SSU72: variants seen among roughly 807,000 people sequenced by gnomAD.
SSU72 encodes the protein SSU72 homolog, RNA polymerase II CTD phosphatase.
SSU72 carries 12 observed loss-of-function variants against 22.7 expected under a neutral mutation model. That is an observed-to-expected ratio of 0.53 (90% CI 0.34 to 0.86). The LOEUF (loss-of-function observed/expected upper bound fraction) is 0.86, where lower values mean the gene tolerates loss of function less well. Ranked by LOEUF, SSU72 falls within the 40% of genes least tolerant of loss-of-function variation. The probability of loss-of-function intolerance (pLI) is 0.02; values close to 1 mark genes in which losing one functional copy is unlikely to be tolerated. For missense variants in SSU72, 151 were observed against 249.8 expected (o/e 0.60, Z 2.67); for synonymous variants, 116 against 98.3 (o/e 1.18, Z -1.06).
chr1:1,542,379 A>G lies in SSU72; in HGVS notation c.484-212T>C, dbSNP rs1557493061. 6.6e-6 allele frequency among the ~76,000 whole-genome samples: 1 copy of G among 152,108 alleles called. No homozygotes were observed. Among genetic ancestry groups the G allele is most frequent in the Non-Finnish European group, 1.5e-5 (1 of 68,008 alleles). On this transcript the variant is annotated intron_variant, in intron 4 of 4. Coordinates refer to ENST00000291386, the MANE Select transcript of SSU72 (RefSeq NM_014188.3). This position sits in a 1 kb window ranked among gnomAD's most constrained non-coding sequence, Gnocchi z 4.4. ...CCCCCACCTCCCCACCGACCCTCAC[A>G]GGACCTGAAGCTGGGAGGAGCTGGG...
chr1:1,568,753 C>T (rs567301242), intron 1 of SSU72, among the ~76,000 whole-genome samples: 5 of 149,936 alleles, frequency 3.3e-5, no homozygotes, highest in African/African-American at 7.4e-5. Context: ...GGAGAAACCC[C>T]GTCTCTACTA....
At chr1:1,565,530 G>A (rs1642649642) in intron 1 of SSU72, among the ~76,000 whole-genome samples, 1 of 152,220 alleles carries the variant, frequency 6.6e-6, no homozygotes, top group African/African-American at 2.4e-5. Flanking sequence ...GGCTTTGGAG[G>A]ATCCAAGTTC....
chr1:1,541,864 T>G lies in SSU72; in HGVS notation c.*202A>C. On this transcript the variant is annotated 3_prime_UTR_variant, in exon 5 of 5. Transcript: ENST00000291386. ...AAGAAAAACTTTGTAATCAATATCC[T>G]GCTCATAAGTAAAAGTGGAAAAGAA... The G allele has an allele frequency of 1.8e-6, 1 of 569,978 alleles. No individual in the cohort carries two copies. The highest frequency in any genetic ancestry group is 3.1e-6 in the Non-Finnish European group (1 of 319,734). 35.3% of individuals were successfully genotyped at this position (569,978 alleles called of 1,614,324 possible). A position where few individuals can be genotyped will look rare whatever the true frequency, so the allele number is the denominator to read the frequency against.
At chr1:1,569,185 T>A (rs1422764628) in intron 1 of SSU72, among the ~76,000 whole-genome samples, 4 of 148,622 alleles carry the variant, frequency 2.7e-5, no homozygotes, top group Admixed American at 6.7e-5. Flanking sequence ...AAAAATAAAA[T>A]AAAAGAAAAA....
chr1:1,543,373 C>A (rs1418172565), intron 4 of SSU72, among the ~76,000 whole-genome samples: 1 of 152,230 alleles, frequency 6.6e-6, no homozygotes, highest in Non-Finnish European at 1.5e-5. Flanking sequence ...GGGGAAGAGA[C>A]AAGGTACCAG....
At chr1:1,559,514 G>A (rs967192836) in intron 2 of SSU72, among the ~76,000 whole-genome samples, 2 of 152,168 alleles carry the variant, frequency 1.3e-5, no homozygotes, top group African/African-American at 4.8e-5. Context: ...AACCTACACA[G>A]TAGAGTTCCC....
intron 1 of SSU72, among the ~76,000 whole-genome samples, chr1:1,570,764 G>A (rs541987927): frequency 2.6e-5 from 4 of 152,356 alleles, no homozygotes; most frequent in African/African-American, 7.2e-5. Flanking sequence ...GAGACAGACG[G>A]ACACCAAAAT....
At chr1:1,553,231 C>G (rs913224204) in intron 2 of SSU72, among the ~76,000 whole-genome samples, 2 of 152,080 alleles carry the variant, frequency 1.3e-5, no homozygotes, top group African/African-American at 4.8e-5. Context: ...TGCTGCCAGC[C>G]GAGAAGGGTC....
At position 1,541,799 on chromosome 1, in the gene SSU72, G is replaced by C. The variant is rs1642322680; in HGVS notation, c.*267C>G. The C allele has an allele frequency of 6.6e-6, 3 of 455,776 alleles. No homozygotes were observed. The highest frequency in any genetic ancestry group is 2.1e-5 in the South Asian group (1 of 47,200). 28.2% of individuals were successfully genotyped at this position (455,776 alleles called of 1,614,324 possible). On this transcript the variant is annotated 3_prime_UTR_variant, in exon 5 of 5. Coordinates refer to ENST00000291386, the MANE Select transcript of SSU72 (RefSeq NM_014188.3). Reference sequence around the variant, plus strand: ...GCACACGAAGACACAGGTATGTCGGGAAGTGCACACAAACCGTTGTCTTTC... The same window carrying C: ...GCACACGAAGACACAGGTATGTCGGCAAGTGCACACAAACCGTTGTCTTTC...
intron 2 of SSU72, chr1:1,546,184 G>A (rs956441056): frequency 6.6e-6 from 1 of 152,262 alleles, no homozygotes; most frequent in African/African-American, 2.4e-5. Flanking sequence ...TCAGGGACAA[G>A]TAACCACTTT....
intron 2 of SSU72, among the ~76,000 whole-genome samples, chr1:1,553,684 G>A (rs979279187): frequency 1.3e-5 from 2 of 151,358 alleles, no homozygotes; most frequent in Admixed American, 6.6e-5. Context: ...CCAGCTACTC[G>A]GGAGGCCAAG....
chr1:1,560,647 G>A (rs1642577516), intron 2 of SSU72, among the ~76,000 whole-genome samples: 1 of 152,104 alleles, frequency 6.6e-6, no homozygotes, highest in Admixed American at 6.6e-5. Flanking sequence ...CTTTAGCATG[G>A]GGTTACCAGC....
rs1642321077 is a variant in SSU72, at chr1:1,541,718, C to T, written c.*348G>A. Reference sequence around the variant, plus strand: ...TGACAATTCCAGGTCATTCCTAACACGCCGCAGCAGGGCTCTGTACAGTCC... The same window carrying T: ...TGACAATTCCAGGTCATTCCTAACATGCCGCAGCAGGGCTCTGTACAGTCC... On this transcript the variant is annotated 3_prime_UTR_variant, in exon 5 of 5. Coordinates refer to ENST00000291386, the MANE Select transcript of SSU72 (RefSeq NM_014188.3). The T allele has an allele frequency of 3.9e-6, 1 of 255,836 alleles. No individual in the cohort carries two copies. The highest frequency in any genetic ancestry group is 7.7e-6 in the Non-Finnish European group (1 of 129,640). The allele number at this position is 255,836 out of a possible 1,614,324, so 15.8% of individuals were successfully genotyped here. A position where few individuals can be genotyped will look rare whatever the true frequency, so the allele number is the denominator to read the frequency against.
intron 1 of SSU72, among the ~76,000 whole-genome samples, chr1:1,573,057 G>C (rs1397776099): frequency 6.7e-6 from 1 of 149,972 alleles, no homozygotes; most frequent in South Asian, 2.1e-4. Flanking sequence ...GGGAGGCCGA[G>C]GCGGGCAGAT....
intron 2 of SSU72, among the ~76,000 whole-genome samples, chr1:1,551,809 G>A (rs1011963339): frequency 2.0e-5 from 3 of 152,248 alleles, no homozygotes; most frequent in African/African-American, 7.2e-5. Flanking sequence ...GAGGGAGGGT[G>A]GTGGGGCCCG....
intron 2 of SSU72, among the ~76,000 whole-genome samples, chr1:1,559,114 C>T (rs556796467): frequency 6.6e-6 from 1 of 152,354 alleles, no homozygotes; most frequent in South Asian, 2.1e-4. Flanking sequence ...CCACGTGCCA[C>T]TGAGGCTGAG....
chr1:1,554,593 C>T lies in SSU72; in HGVS notation c.225-9591G>A, dbSNP rs1474455992. 1.3e-5 allele frequency among the ~76,000 whole-genome samples: 2 copies of T among 152,160 alleles called. No individual in the cohort carries two copies. Among genetic ancestry groups the T allele is most frequent in the African/African-American group, 4.8e-5 (2 of 41,434 alleles). On this transcript the variant is annotated intron_variant, in intron 2 of 4. Transcript: ENST00000291386. This position sits in a 1 kb window ranked among gnomAD's most constrained non-coding sequence, Gnocchi z 4.1. Reference sequence around the variant, plus strand: ...GAACATCCCGGGGAGTTAGAATGAGCGCAGCTGCCCATCCCACAGGAGAAC... The same window carrying T: ...GAACATCCCGGGGAGTTAGAATGAGTGCAGCTGCCCATCCCACAGGAGAAC...
chr1:1,562,848 C>T (rs186336047), intron 2 of SSU72: 11 of 152,424 alleles, frequency 7.2e-5, no homozygotes, highest in Non-Finnish European at 1.6e-4. Context: ...TTTTTCCAAA[C>T]GCAGGTTACC....
At chr1:1,569,290 G>C (rs1472210006) in intron 1 of SSU72, among the ~76,000 whole-genome samples, 1 of 152,180 alleles carries the variant, frequency 6.6e-6, no homozygotes, top group Non-Finnish European at 1.5e-5. Context: ...ACCAAGCGCA[G>C]GAGGCTCTGT....
Sources: allele counts gnomAD v4.1 joint callset (sites outside exome capture counted in the v4.1 genomes callset), GRCh38; gene constraint gnomAD v4.1.1; non-coding constraint Gnocchi (gnomAD v3.1); transcripts MANE v1.5; gene names NCBI Gene and HGNC (gene_info 2026-07-23, HGNC 2026-07-21).